The following CLIP1 variants were observed in gnomAD, a reference collection of about 807,000 sequenced individuals.
CLIP1 encodes CAP-Gly domain-containing linker protein 1.
Under a neutral mutation model 161.6 loss-of-function variants are expected in CLIP1, and 66 were observed. The observed-to-expected ratio is 0.41, with a 90% confidence interval of 0.33 to 0.50. The LOEUF (loss-of-function observed/expected upper bound fraction) is 0.50, where lower values mean the gene tolerates loss of function less well. CLIP1 is among the 20% of genes least tolerant of loss of function. The pLI is 0.27. For missense variants in CLIP1, 1,376 were observed against 1,702.0 expected, an observed-to-expected ratio of 0.81 and a Z score of 3.37; for synonymous variants, 598 against 626.2, an observed-to-expected ratio of 0.96 and a Z score of 0.67.
At chr12:122,296,574 A>G (rs749709768) in intron 20 of CLIP1, among the ~76,000 whole-genome samples, 1 of 152,230 alleles carries the variant, frequency 6.6e-6, no homozygotes, top group African/African-American at 2.4e-5. Flanking sequence ...ATTGTTTCAT[A>G]TTACAAATGT....
At chr12:122,299,611 G>GAAAAAAAAAAAAAA (rs1491546237) in intron 20 of CLIP1, among the ~76,000 whole-genome samples, 1 of 34,562 alleles carries the variant, frequency 2.9e-5, no homozygotes, top group East Asian at 1.7e-3. Context: ...AATAAATTCA[G>GAAAAAAAAAAAAAA]CAAAAAAAAA....
rs187531728 is a variant in CLIP1, at chr12:122,354,435, G to T, written c.1307+18C>A. The T allele has an allele frequency of 2.5e-6, 4 of 1,602,304 alleles. No homozygotes were observed. In the South Asian group the frequency reaches 3.3e-5, roughly 13 times the overall value. On this transcript the variant is annotated intron_variant, in intron 7 of 25. Transcript: ENST00000620786. ...GGGGGAAAGGCCACACTTGCACCAG[G>T]AAACAGTCTGGGGTCACCTTTTCTC...
intron 4 of CLIP1, among the ~76,000 whole-genome samples, chr12:122,361,727 A>C (rs970314735): frequency 5.9e-5 from 9 of 152,150 alleles, no homozygotes; most frequent in Non-Finnish European, 1.2e-4. Flanking sequence ...CTAGCCAGGC[A>C]TGGTGGTGCA....
At chr12:122,390,738 TTCAAG>T (rs1487416447) in intron 1 of CLIP1, among the ~76,000 whole-genome samples, 11 of 152,076 alleles carry the variant, frequency 7.2e-5, no homozygotes, top group South Asian at 6.2e-4. Flanking sequence ...ACCATTTTTT[TTCAAG>T]TCAAGAACCA....
intron 2 of CLIP1, among the ~76,000 whole-genome samples, chr12:122,378,998 GC>G (rs1566197166): frequency 6.6e-6 from 1 of 152,070 alleles, no homozygotes; most frequent in Non-Finnish European, 1.5e-5. Context: ...GGTGGAGCGC[GC>G]CTGTAGTCCC....
At chr12:122,384,559 C>T (rs1416000642) in intron 1 of CLIP1, among the ~76,000 whole-genome samples, 1 of 151,826 alleles carries the variant, frequency 6.6e-6, no homozygotes, top group Non-Finnish European at 1.5e-5. Flanking sequence ...GTCAGGAGTT[C>T]GAAACCAGCC....
At chr12:122,352,628 T>A in intron 8 of CLIP1, 98 bp downstream of exon 8, 1 of 1,100,520 alleles carries the variant, frequency 9.1e-7, no homozygotes, top group Non-Finnish European at 1.4e-6. Context: ...CTTCCTCAGC[T>A]GGCTGTTCTG....
At chr12:122,365,624 A>G (rs1191610598) in intron 3 of CLIP1, 12 of 957,036 alleles carry the variant, frequency 1.3e-5, no homozygotes, top group African/African-American at 1.6e-5. Context: ...CTATGAATTC[A>G]TGGCATAATA....
intron 15 of CLIP1, among the ~76,000 whole-genome samples, chr12:122,330,026 A>C (rs1259678303): frequency 1.3e-5 from 2 of 152,196 alleles, no homozygotes; most frequent in African/African-American, 4.8e-5. Flanking sequence ...CTGAGACAGG[A>C]GAATCACTTG....
intron 1 of CLIP1, among the ~76,000 whole-genome samples, chr12:122,384,483 C>T (rs907841275): frequency 5.3e-5 from 8 of 152,056 alleles, no homozygotes; most frequent in African/African-American, 9.7e-5. Flanking sequence ...ACTCGAAGGC[C>T]GGGCGCAGTG....
intron 3 of CLIP1, among the ~76,000 whole-genome samples, chr12:122,373,683 C>A (rs938796945): frequency 6.6e-6 from 1 of 152,104 alleles, no homozygotes; most frequent in Non-Finnish European, 1.5e-5. Context: ...TGGGTGCAAT[C>A]TAAATGTGTA....
chr12:122,404,593 C>G (rs1211439070), intron 1 of CLIP1, among the ~76,000 whole-genome samples: 1 of 149,212 alleles, frequency 6.7e-6, no homozygotes, highest in Admixed American at 6.7e-5. Context: ...GAGCAAGACT[C>G]CATCTGAAAA....
At chr12:122,277,991 G>A (rs901277391) in intron 24 of CLIP1, 163 bp downstream of exon 24, 33 of 683,984 alleles carry the variant, frequency 4.8e-5, no homozygotes, top group Non-Finnish European at 7.7e-5. Flanking sequence ...GACATTTAAT[G>A]TATATATTTT....
At position 122,354,565 on chromosome 12, in the gene CLIP1, G is replaced by A. The variant is rs1476634171; in HGVS notation, c.1204-9C>T. The A allele has an allele frequency of 6.2e-7, 1 of 1,607,896 alleles. No individual in the cohort carries two copies. Among genetic ancestry groups the A allele is most frequent in the Non-Finnish European group, 8.5e-7 (1 of 1,174,554 alleles). The stretch of plus-strand genomic sequence containing the variant: ...TCCAATTCCAGGACATGCTGGGGAA[G>A]GCAAGAATGTCGGTAAATGGACTAT... On this transcript the variant is annotated splice_polypyrimidine_tract_variant and intron_variant, in intron 6 of 25. Coordinates refer to ENST00000620786, the MANE Select transcript of CLIP1 (RefSeq NM_001247997.2).
intron 4 of CLIP1, among the ~76,000 whole-genome samples, chr12:122,362,835 C>T (rs1204520615): frequency 6.7e-6 from 1 of 150,234 alleles, no homozygotes; most frequent in African/African-American, 2.4e-5. Context: ...CTATTAATGT[C>T]TATTTTCAGA....
chr12:122,291,012 C>G (rs956686452), intron 20 of CLIP1, among the ~76,000 whole-genome samples: 1 of 151,736 alleles, frequency 6.6e-6, no homozygotes, highest in Non-Finnish European at 1.5e-5. Context: ...CCTGCCTCAG[C>G]CTCCTAAGTA....
intron 3 of CLIP1, among the ~76,000 whole-genome samples, chr12:122,365,056 A>AGGGGAAC (rs1954067212): frequency 6.6e-6 from 1 of 152,032 alleles, no homozygotes; most frequent in East Asian, 1.9e-4. Context: ...GGACACAGTA[A>AGGGGAAC]GGGGAACATC....
Position 122,355,412 on chromosome 12 carries a change from G to T in CLIP1, c.1006-100C>A. ...CGGGCATCTGCTCGGCAAAGCAAGGGCGCTGCTCCAGCTGGCAGGCTGGCC... is the reference window on the plus strand; with the variant it reads ...CGGGCATCTGCTCGGCAAAGCAAGGTCGCTGCTCCAGCTGGCAGGCTGGCC... On this transcript the variant is annotated intron_variant, in intron 5 of 25. Coordinates refer to ENST00000620786, the MANE Select transcript of CLIP1 (RefSeq NM_001247997.2). The surrounding 1 kb of genome is among the most constrained non-coding windows in gnomAD (Gnocchi z 4.1). 9.3e-7 allele frequency: 1 copy of T among 1,070,250 alleles called. No individual in the cohort carries two copies. Among genetic ancestry groups the T allele is most frequent in the East Asian group, 2.5e-5 (1 of 40,426 alleles). The allele number at this position is 1,070,250 out of a possible 1,614,324, so 66.3% of individuals were successfully genotyped here.
rs529713296 is a variant in CLIP1, at chr12:122,283,632, T to C, written c.3648-4487A>G. On this transcript the variant is annotated intron_variant, in intron 21 of 25. Transcript: ENST00000620786. Reference sequence around the variant, plus strand: ...CGCCACCACACCCAGCTAATTTTTGTATTTTTAGTAGAGATGGGGTTTCAC... The same window carrying C: ...CGCCACCACACCCAGCTAATTTTTGCATTTTTAGTAGAGATGGGGTTTCAC... Among the ~76,000 whole-genome samples the C allele has an allele frequency of 4.5e-4, 68 of 152,174 alleles. 1 individual carries two copies. In the South Asian group the frequency reaches 0.014, roughly 31 times the overall value.
Sources: allele counts gnomAD v4.1 joint callset (sites outside exome capture counted in the v4.1 genomes callset), GRCh38; gene constraint gnomAD v4.1.1; non-coding constraint Gnocchi (gnomAD v3.1); transcripts MANE v1.5; gene names NCBI Gene and HGNC (gene_info 2026-07-23, HGNC 2026-07-21).